Variants in DUSP16 observed in about 807,000 individuals in gnomAD.
DUSP16 encodes dual specificity phosphatase 16, also known as dual specificity protein phosphatase 16.
Under a neutral mutation model 58.3 loss-of-function variants are expected in DUSP16, and 21 were observed. The observed-to-expected ratio is 0.36, with a 90% confidence interval of 0.26 to 0.52. The LOEUF is 0.52. Ranked by LOEUF, DUSP16 falls within the 20% of genes least tolerant of loss-of-function variation. The pLI, the probability that DUSP16 is intolerant of heterozygous loss-of-function variation, is 0.94. For missense variants in DUSP16, 726 were observed against 819.0 expected, an observed-to-expected ratio of 0.89 and a Z score of 1.39; for synonymous variants, 320 against 323.8, an observed-to-expected ratio of 0.99 and a Z score of 0.12.
At chr12:12,550,913 T>A (rs1399609755) in intron 1 of DUSP16, among the ~76,000 whole-genome samples, 2 of 152,110 alleles carry the variant, frequency 1.3e-5, no homozygotes, top group Non-Finnish European at 2.9e-5. Context: ...CCAGTCTCAC[T>A]TAACAACATC....
intron 5 of DUSP16, among the ~76,000 whole-genome samples, chr12:12,483,035 C>T (rs1054726898): frequency 6.6e-6 from 1 of 152,138 alleles, no homozygotes; most frequent in Non-Finnish European, 1.5e-5. Context: ...ACGCAGAAAA[C>T]TAAGAAGCCT....
rs761479105 is a variant in DUSP16, at chr12:12,477,373, C to T, written c.1458G>A (p.Ser486=). ...PSDSQSKRLH[S]VRTSSSGTAQ... is the part of the protein sequence containing the mutation. ...CGGTGCCACTGCTGCTGGTTCTGAC[C>T]GAATGCAATCGCTTGCTCTGGCTGT... is the stretch of plus-strand genomic sequence containing the variant. Residue 486 remains serine (S), a synonymous_variant, in exon 7 of 7, where the codon TCG becomes TCA. Transcript: ENST00000298573. The surrounding 1 kb of genome is among the most constrained non-coding windows in gnomAD (Gnocchi z 4.1). 8.7e-6 allele frequency: 14 copies of T among 1,613,606 alleles called. No individual in the cohort carries two copies. The South Asian group carries it at 1.1e-4, about 13-fold the overall frequency.
At chr12:12,499,848 T>G (rs1285067934) in intron 4 of DUSP16, among the ~76,000 whole-genome samples, 1 of 152,140 alleles carries the variant, frequency 6.6e-6, no homozygotes. Flanking sequence ...CAGATTATAG[T>G]TCTATTGCTG....
intron 3 of DUSP16, 141 bp downstream of exon 3, chr12:12,519,721 T>G: frequency 1.2e-6 from 1 of 813,082 alleles, no homozygotes. Flanking sequence ...AATAGAACGG[T>G]GACATCAATC....
At chr12:12,553,345 G>T (rs1347776512) in intron 1 of DUSP16, among the ~76,000 whole-genome samples, 1 of 152,118 alleles carries the variant, frequency 6.6e-6, no homozygotes, top group African/African-American at 2.4e-5. Flanking sequence ...TCCAATTCTA[G>T]CACCACTTCT....
intron 1 of DUSP16, among the ~76,000 whole-genome samples, chr12:12,527,175 C>G (rs1194336764): frequency 6.6e-6 from 1 of 152,120 alleles, no homozygotes; most frequent in Admixed American, 6.5e-5. Flanking sequence ...AAACTACAAG[C>G]CTGACTTAAA....
At position 12,473,574 on chromosome 12, in the gene DUSP16, G is replaced by A. The variant is rs983309320; in HGVS notation, c.*3259C>T. ...ATAGCTCTTCTAGTCTAGCTCACCC[G>A]GCCCAATCTTTCTTATAAATTTTCT... On this transcript the variant is annotated 3_prime_UTR_variant, in exon 7 of 7. Coordinates refer to ENST00000298573, the MANE Select transcript of DUSP16 (RefSeq NM_030640.3). 5.3e-5 allele frequency among the ~76,000 whole-genome samples: 8 copies of A among 152,016 alleles called. No individual in the cohort carries two copies. Among genetic ancestry groups the A allele is most frequent in the African/African-American group, 9.7e-5 (4 of 41,380 alleles).
intron 1 of DUSP16, among the ~76,000 whole-genome samples, chr12:12,534,633 T>C (rs747623541): frequency 6.6e-6 from 1 of 152,258 alleles, no homozygotes; most frequent in Non-Finnish European, 1.5e-5. Context: ...AGCCTCTTCC[T>C]GTCTGATGTT....
intron 1 of DUSP16, among the ~76,000 whole-genome samples, chr12:12,560,323 C>A (rs1245702942): frequency 2.0e-5 from 3 of 152,120 alleles, no homozygotes; most frequent in Non-Finnish European, 4.4e-5. Flanking sequence ...TTTCAAAACA[C>A]TATTCACACT....
At chr12:12,499,075 CA>C (rs1197000424) in intron 4 of DUSP16, among the ~76,000 whole-genome samples, 1 of 152,194 alleles carries the variant, frequency 6.6e-6, no homozygotes, top group Non-Finnish European at 1.5e-5. Flanking sequence ...AGGTATACAG[CA>C]AAATGAATGT....
At chr12:12,510,621 C>T (rs189382736) in intron 3 of DUSP16, among the ~76,000 whole-genome samples, 6 of 152,284 alleles carry the variant, frequency 3.9e-5, no homozygotes, top group Non-Finnish European at 7.4e-5. Flanking sequence ...TTTGACATAG[C>T]GCTAGGTAAT....
intron 4 of DUSP16, among the ~76,000 whole-genome samples, chr12:12,495,142 G>A (rs1202817669): frequency 1.3e-5 from 2 of 150,848 alleles, no homozygotes; most frequent in South Asian, 4.2e-4. Flanking sequence ...CATAATATAG[G>A]GTCCCCTGAA....
chr12:12,515,785 T>G (rs1944141251), intron 3 of DUSP16, among the ~76,000 whole-genome samples: 1 of 152,054 alleles, frequency 6.6e-6, no homozygotes, highest in African/African-American at 2.4e-5. Flanking sequence ...GAACTTTTTT[T>G]TTCTTTTTGA....
chr12:12,517,939 C>G (rs1382205076), intron 3 of DUSP16, among the ~76,000 whole-genome samples: 1 of 152,174 alleles, frequency 6.6e-6, no homozygotes, highest in Non-Finnish European at 1.5e-5. Flanking sequence ...TCAGGCAGTC[C>G]TGTTTCTTCC....
intron 1 of DUSP16, chr12:12,560,946 T>TCACACACCCACACCCACCCACACA (rs56190302): frequency 6.8e-6 from 1 of 148,144 alleles, no homozygotes; most frequent in Non-Finnish European, 1.5e-5. Flanking sequence ...ATGGTAAATT[T>TCACACACCCACACCCACCCACACA]CACACACACA....
chr12:12,477,037 G>A lies in DUSP16; in HGVS notation c.1794C>T (p.Arg598=), dbSNP rs1565965340. Residue 598 remains arginine, a synonymous_variant, in exon 7 of 7, where the codon CGC becomes CGT. Transcript: ENST00000298573. This position sits in a 1 kb window ranked among gnomAD's most constrained non-coding sequence, Gnocchi z 4.1. ...PTCGDQVYSV[R]RRQKPSDRAD... is the part of the protein sequence containing the mutation. ...CTCTGTCACTTGGCTTCTGCCGCCT[G>A]CGCACAGAATAGACTTGGTCTCCGC... 2 of 1,614,266 alleles carry A rather than the reference G, an allele frequency of 1.2e-6. No homozygotes were observed. Among genetic ancestry groups the A allele is most frequent in the South Asian group, 2.2e-5 (2 of 91,084 alleles).
chr12:12,531,709 A>G (rs1944388119), intron 1 of DUSP16, among the ~76,000 whole-genome samples: 1 of 152,090 alleles, frequency 6.6e-6, no homozygotes, highest in Non-Finnish European at 1.5e-5. Context: ...CGTCTCTACT[A>G]AAAATACAAA....
chr12:12,521,192 T>A lies in DUSP16; in HGVS notation c.-94A>T. On this transcript the variant is annotated 5_prime_UTR_variant, in exon 2 of 7. Coordinates refer to ENST00000298573, the MANE Select transcript of DUSP16 (RefSeq NM_030640.3). The stretch of plus-strand genomic sequence containing the variant: ...CAAAGGCTCAGCCACTCCATTGTAC[T>A]AAAAGTGTATGAGGTCAGGCTGGTG... The A allele has an allele frequency of 6.5e-7, 1 of 1,529,630 alleles. No homozygotes were observed. The allele number at this position is 1,529,630 out of a possible 1,614,324, so 94.8% of individuals were successfully genotyped here. A position where few individuals can be genotyped will look rare whatever the true frequency, so the allele number is the denominator to read the frequency against.
Position 12,477,863 on chromosome 12 carries a change from A to G in DUSP16, c.968T>C (p.Val323Ala), listed in dbSNP as rs1449082667. Reference protein sequence around the residue: ...LLHLEKPNEPVPAVSEGGQKS... With the variant: ...LLHLEKPNEPAPAVSEGGQKS... The stretch of plus-strand genomic sequence containing the variant: ...CTGTCCACCCTCTGAGACAGCAGGG[A>G]CAGGTTCATTTGGCTTCTCCAGGTG... Residue 323 changes from valine to alanine, a missense_variant, in exon 7 of 7, where the codon GTC (valine) becomes GCC (alanine). Physicochemically the swap from Val to Ala is moderately conservative, Grantham distance 64 (BLOSUM62 0). Coordinates refer to ENST00000298573, the MANE Select transcript of DUSP16 (RefSeq NM_030640.3). This position sits in a 1 kb window ranked among gnomAD's most constrained non-coding sequence, Gnocchi z 4.1. 3.1e-6 allele frequency: 5 copies of G among 1,613,940 alleles called. 1 individual carries two copies. Among genetic ancestry groups the G allele is most frequent in the Middle Eastern group, 3.3e-4 (2 of 6,084 alleles).
Sources: gnomAD v4.1 joint callset for allele counts (sites outside exome capture counted in the v4.1 genomes callset) on GRCh38, gnomAD v4.1.1 for gene constraint, Gnocchi (gnomAD v3.1) non-coding constraint, MANE v1.5 for transcripts, NCBI Gene and HGNC (gene_info 2026-07-23, HGNC 2026-07-21) for gene names.